The following ADAM17 variants were observed in gnomAD, a reference collection of about 807,000 sequenced individuals.
ADAM17 encodes disintegrin and metalloproteinase domain-containing protein 17.
In ADAM17, 39 loss-of-function variants were observed where a neutral mutation model predicts 96.7. The observed-to-expected ratio is 0.40, with a 90% CI of 0.31 to 0.53. The LOEUF is 0.53. Among genes scored for constraint, ADAM17 ranks in the 20% least tolerant of loss-of-function variants. ADAM17 has a pLI of 0.44. For synonymous variants in ADAM17, 344 were observed against 359.2 expected (o/e 0.96, Z 0.48); for missense variants, 777 against 1,013.2 (o/e 0.77, Z 3.17).
chr2:9,537,068 A>G (rs181180871), intron 2 of ADAM17, among the ~76,000 whole-genome samples: 32 of 152,336 alleles, frequency 2.1e-4, no homozygotes, highest in South Asian at 8.3e-4. Context: ...AAGATATTCA[A>G]AGAACTTATA....
At chr2:9,555,481 G>A (rs759163064) in intron 1 of ADAM17, 28 bp downstream of exon 1, 2 of 1,541,924 alleles carry the variant, frequency 1.3e-6, no homozygotes, top group Non-Finnish European at 1.8e-6. Context: ...CCAGGCGCCG[G>A]CCTAAGCCAA....
intron 1 of ADAM17, among the ~76,000 whole-genome samples, chr2:9,548,785 G>A (rs926892109): frequency 6.6e-6 from 1 of 152,058 alleles, no homozygotes; most frequent in South Asian, 2.1e-4. Context: ...TGACATCAGC[G>A]GTAAAAAGTA....
chr2:9,528,241 T>C (rs1393240934), intron 4 of ADAM17, among the ~76,000 whole-genome samples: 2 of 152,182 alleles, frequency 1.3e-5, no homozygotes, highest in Non-Finnish European at 2.9e-5. Context: ...AAGAGAAAAA[T>C]GCATATCATT....
intron 17 of ADAM17, 152 bp from the exon 18 acceptor site, chr2:9,491,303 T>C (rs1558490942): frequency 3.1e-6 from 2 of 641,634 alleles, no homozygotes; most frequent in Admixed American, 3.0e-5. Context: ...AATCCATTTC[T>C]CACCCAAGCT....
At chr2:9,549,484 G>A (rs745670897) in intron 1 of ADAM17, among the ~76,000 whole-genome samples, 3 of 152,210 alleles carry the variant, frequency 2.0e-5, no homozygotes, top group Non-Finnish European at 2.9e-5. Context: ...TAAGAACAAT[G>A]TAAATAAAGT....
chr2:9,520,637 T>C (rs1664267975), intron 8 of ADAM17, among the ~76,000 whole-genome samples: 1 of 152,080 alleles, frequency 6.6e-6, no homozygotes, highest in Admixed American at 6.6e-5. Context: ...CCACTGATTG[T>C]CTCATTAGAT....
rs2124948074 is a variant in ADAM17 at position 9,490,288 on chromosome 2, A to G, written c.2364T>C (p.Ala788=). The G allele has an allele frequency of 6.2e-7, 1 of 1,614,190 alleles. No homozygotes were observed. Among genetic ancestry groups the G allele is most frequent in the South Asian group, 1.1e-5 (1 of 91,076 alleles). Residue 788 remains alanine (A), a synonymous_variant, in exon 19 of 19, where the codon GCT becomes GCC. Coordinates refer to ENST00000310823, the MANE Select transcript of ADAM17 (RefSeq NM_003183.6). ...CCGTGAGATCCTCAAATGACTTGGC[A>G]GCTGTGCTGCTATTTGGGAAGGGGT... ...EKDPFPNSST[A]AKSFEDLTDH...
chr2:9,494,101 G>C (rs1348556533), intron 15 of ADAM17, among the ~76,000 whole-genome samples: 1 of 152,132 alleles, frequency 6.6e-6, no homozygotes, highest in East Asian at 1.9e-4. Context: ...AGGCATTCCA[G>C]TAAGGACTCT....
At chr2:9,514,708 C>A (rs955886465) in intron 10 of ADAM17, among the ~76,000 whole-genome samples, 9 of 151,366 alleles carry the variant, frequency 5.9e-5, no homozygotes, top group Admixed American at 5.3e-4. Context: ...CCCGTCTCTA[C>A]TAAAAATACA....
intron 1 of ADAM17, among the ~76,000 whole-genome samples, chr2:9,545,114 T>C (rs769874772): frequency 3.0e-4 from 46 of 152,326 alleles, no homozygotes; most frequent in Middle Eastern, 3.4e-3. Context: ...TCTCAAAGTG[T>C]AGTTCCCAAA....
chr2:9,555,798 A>C lies in ADAM17; in HGVS notation c.-193T>G. ...CCCCAGAAGTGCAGGTGGCGTTACC[A>C]AAGGCCGGCTCAGCCAGCTTCCGGC... On this transcript the variant is annotated 5_prime_UTR_variant, in exon 1 of 19. Transcript: ENST00000310823. The C allele has an allele frequency of 2.2e-6, 1 of 453,578 alleles. No individual in the cohort carries two copies. Among genetic ancestry groups the C allele is most frequent in the Non-Finnish European group, 3.8e-6 (1 of 261,880 alleles). 28.1% of individuals were successfully genotyped at this position (453,578 alleles called of 1,614,324 possible).
Position 9,527,776 on chromosome 2 carries a change from T to C in ADAM17, c.619+10A>G, listed in dbSNP as rs757176994. ...TGTTTCTTATTTGAAATACACTCTT[T>C]AAGTCTTACCTTCAGGTGGTTCTCT... On this transcript the variant is annotated intron_variant, in intron 5 of 18. Coordinates refer to ENST00000310823, the MANE Select transcript of ADAM17 (RefSeq NM_003183.6). 3 of 1,544,264 alleles carry C rather than the reference T, an allele frequency of 1.9e-6. No homozygotes were observed. The highest frequency in any genetic ancestry group is 2.6e-6 in the Non-Finnish European group (3 of 1,148,688).
At chr2:9,541,541 C>T (rs920890876) in intron 2 of ADAM17, among the ~76,000 whole-genome samples, 10 of 151,852 alleles carry the variant, frequency 6.6e-5, no homozygotes, top group Non-Finnish European at 1.0e-4. Context: ...CCAGTCTGGG[C>T]GACAAGAGCA....
At chr2:9,549,326 G>GATC (rs1452712744) in intron 1 of ADAM17, among the ~76,000 whole-genome samples, 1 of 152,146 alleles carries the variant, frequency 6.6e-6, no homozygotes, top group African/African-American at 2.4e-5. Flanking sequence ...AGTGAGCTGA[G>GATC]ATCACGCCAC....
At chr2:9,512,220 C>T (rs1430919874) in intron 10 of ADAM17, 2 of 151,772 alleles carry the variant, frequency 1.3e-5, no homozygotes, top group East Asian at 1.9e-4. Context: ...CTCCTAACTG[C>T]TTGGGGAAAA....
chr2:9,504,823 A>C (rs536484333), intron 12 of ADAM17, among the ~76,000 whole-genome samples: 1 of 151,888 alleles, frequency 6.6e-6, no homozygotes, highest in South Asian at 2.1e-4. Flanking sequence ...GGAGCATGCA[A>C]GGTCAAGGAT....
intron 10 of ADAM17, among the ~76,000 whole-genome samples, chr2:9,514,525 ATATATATATAT>A (rs1558509892): frequency 1.7e-4 from 1 of 5,722 alleles, no homozygotes; most frequent in African/African-American, 7.6e-4. Context: ...ATAAATATAT[ATATATATATAT>A]ATATATATAT....
rs556198568 is a variant in ADAM17, at chr2:9,545,401, T to C, written c.98-2116A>G. 2.0e-3 allele frequency among the ~76,000 whole-genome samples: 303 copies of C among 152,036 alleles called. 1 individual carries two copies. Among genetic ancestry groups the C allele is most frequent in the Non-Finnish European group, 3.4e-3 (228 of 67,970 alleles). On this transcript the variant is annotated intron_variant, in intron 1 of 18. Coordinates refer to ENST00000310823, the MANE Select transcript of ADAM17 (RefSeq NM_003183.6). ...CTGGCCAACATGGCAAAACCCTGTC[T>C]CTACTAAAAATACAAAAAATTAGCT...
chr2:9,513,058 A>G (rs540130519), intron 10 of ADAM17, among the ~76,000 whole-genome samples: 2 of 151,904 alleles, frequency 1.3e-5, no homozygotes, highest in African/African-American at 2.4e-5. Context: ...ACAGTGGCGC[A>G]ATCTCAGCTC....
Sources: allele counts gnomAD v4.1 joint callset (sites outside exome capture counted in the v4.1 genomes callset), GRCh38; gene constraint gnomAD v4.1.1; transcripts MANE v1.5; gene names NCBI Gene and HGNC (gene_info 2026-07-23, HGNC 2026-07-21).